The following PLCB4 variants were observed in gnomAD, a reference collection of about 807,000 sequenced individuals.
PLCB4 encodes 1-phosphatidylinositol 4,5-bisphosphate phosphodiesterase beta-4.
A neutral mutation model predicts 178.8 loss-of-function variants in PLCB4; 77 were observed. The observed-to-expected ratio is 0.43, with a 90% CI of 0.36 to 0.52. The LOEUF (loss-of-function observed/expected upper bound fraction) is 0.52. PLCB4 is among the 20% of genes least tolerant of loss of function. The pLI, the probability that PLCB4 is intolerant of heterozygous loss-of-function variation, is 0.00. For synonymous variants in PLCB4, 496 were observed against 490.8 expected (o/e 1.01, Z -0.14); for missense variants, 1,024 against 1,453.4 (o/e 0.70, Z 4.80).
intron 28 of PLCB4, among the ~76,000 whole-genome samples, chr20:9,432,330 TA>T (rs575749352): frequency 4.3e-4 from 66 of 152,216 alleles, no homozygotes; most frequent in Non-Finnish European, 9.1e-4. Context: ...TATTATCTGT[TA>T]TTCCTATGGA....
chr20:9,090,903 C>T (rs1334159080), intron 1 of PLCB4, among the ~76,000 whole-genome samples: 3 of 152,118 alleles, frequency 2.0e-5, no homozygotes, highest in Admixed American at 6.6e-5. Flanking sequence ...TATTAGAAGC[C>T]TATTGCAATA....
At chr20:9,219,640 A>G (rs1601242922) in intron 3 of PLCB4, among the ~76,000 whole-genome samples, 1 of 152,248 alleles carries the variant, frequency 6.6e-6, no homozygotes, top group East Asian at 1.9e-4. Context: ...GAATCCTTCC[A>G]TATGTCCCTC....
chr20:9,145,882 A>G (rs1275976311), intron 2 of PLCB4, among the ~76,000 whole-genome samples: 1 of 152,110 alleles, frequency 6.6e-6, no homozygotes, highest in Non-Finnish European at 1.5e-5. Context: ...TCCAGGAAGC[A>G]GTACTGTCTC....
chr20:9,454,060 T>A (rs1273308560), intron 33 of PLCB4, among the ~76,000 whole-genome samples: 1 of 152,244 alleles, frequency 6.6e-6, no homozygotes, highest in Non-Finnish European at 1.5e-5. Context: ...CAGTATGTGA[T>A]AATTCCTCAA....
chr20:9,190,163 T>C (rs2093382794), intron 2 of PLCB4, among the ~76,000 whole-genome samples: 1 of 152,018 alleles, frequency 6.6e-6, no homozygotes, highest in Non-Finnish European at 1.5e-5. Context: ...GGGAAGAAAA[T>C]TAGCACATGG....
intron 34 of PLCB4, among the ~76,000 whole-genome samples, chr20:9,458,400 T>C (rs1168095108): frequency 2.0e-5 from 3 of 152,240 alleles, no homozygotes; most frequent in Admixed American, 6.5e-5. Flanking sequence ...ATGCTTGGCA[T>C]CAATAAGAAA....
chr20:9,338,770 A>G, intron 6 of PLCB4, 124 bp from the exon 7 acceptor site: 1 of 673,962 alleles, frequency 1.5e-6, no homozygotes, highest in East Asian at 2.6e-5. Flanking sequence ...GTTTTAGAAT[A>G]ATGCTAGGTG....
At chr20:9,254,759 A>T (rs375169814) in intron 3 of PLCB4, among the ~76,000 whole-genome samples, 3 of 152,212 alleles carry the variant, frequency 2.0e-5, no homozygotes, top group Non-Finnish European at 4.4e-5. Context: ...TAATATTTAT[A>T]TTGCAATAAA....
intron 9 of PLCB4, 137 bp downstream of exon 9, chr20:9,365,651 G>A (rs2035713447): frequency 1.6e-5 from 8 of 514,266 alleles, no homozygotes; most frequent in Admixed American, 7.3e-5. Flanking sequence ...CAATTGCTTT[G>A]ACAAATGCTA....
chr20:9,404,604 C>CA (rs34712600), intron 20 of PLCB4, among the ~76,000 whole-genome samples: 13,559 of 65,138 alleles, frequency 0.21, 1,107 homozygotes, highest in African/African-American at 0.33. Flanking sequence ...GACTGTGTCT[C>CA]AAAAAAAAAA....
chr20:9,347,820 A>G (rs1444127121), intron 7 of PLCB4, among the ~76,000 whole-genome samples: 1 of 152,096 alleles, frequency 6.6e-6, no homozygotes, highest in East Asian at 1.9e-4. Context: ...TACTAAATAC[A>G]AAAATTAGCC....
intron 35 of PLCB4, among the ~76,000 whole-genome samples, chr20:9,461,836 G>C (rs1472049288): frequency 6.6e-6 from 1 of 152,192 alleles, no homozygotes; most frequent in Non-Finnish European, 1.5e-5. Context: ...GGGCATAGCT[G>C]AACAAAAGGC....
chr20:9,144,741 G>A (rs1429858673), intron 2 of PLCB4, among the ~76,000 whole-genome samples: 5 of 87,958 alleles, frequency 5.7e-5, no homozygotes, highest in African/African-American at 2.4e-4. Flanking sequence ...GGGAAGGAGG[G>A]GAAGGAGGGG....
At chr20:9,219,678 G>A (rs1226596270) in intron 3 of PLCB4, among the ~76,000 whole-genome samples, 1 of 152,000 alleles carries the variant, frequency 6.6e-6, no homozygotes, top group Admixed American at 6.6e-5. Flanking sequence ...AAAACCATTT[G>A]GCCTCTACTC....
At chr20:9,418,433 A>G (rs536856144) in intron 25 of PLCB4, among the ~76,000 whole-genome samples, 10 of 152,284 alleles carry the variant, frequency 6.6e-5, no homozygotes, top group African/African-American at 2.2e-4. Context: ...TCTTTCACCC[A>G]TTGATTGGTC....
intron 7 of PLCB4, among the ~76,000 whole-genome samples, chr20:9,340,721 C>T (rs13040758): frequency 0.067 from 10,132 of 152,154 alleles, 362 homozygotes; most frequent in Middle Eastern, 0.095. Context: ...AATCCTTGCT[C>T]GTCCCCTTCC....
At chr20:9,296,719 G>A (rs1456563847) in intron 3 of PLCB4, among the ~76,000 whole-genome samples, 2 of 152,138 alleles carry the variant, frequency 1.3e-5, no homozygotes, top group East Asian at 3.9e-4. Flanking sequence ...GGACATGGAT[G>A]AAGCTGGAAA....
At chr20:9,103,184 T>C (rs1023571292) in intron 2 of PLCB4, among the ~76,000 whole-genome samples, 1 of 152,146 alleles carries the variant, frequency 6.6e-6, no homozygotes, top group African/African-American at 2.4e-5. Flanking sequence ...TACTCCAGTA[T>C]GGAGTGCTTC....
chr20:9,466,196 AT>A (rs1343128365), intron 35 of PLCB4, among the ~76,000 whole-genome samples: 1 of 152,254 alleles, frequency 6.6e-6, no homozygotes, highest in Non-Finnish European at 1.5e-5. Flanking sequence ...AGGATTCCCT[AT>A]TTAATAAATG....
Sources: allele counts gnomAD v4.1 joint callset (sites outside exome capture counted in the v4.1 genomes callset), GRCh38; gene constraint gnomAD v4.1.1; transcripts MANE v1.5; gene names NCBI Gene and HGNC (gene_info 2026-07-23, HGNC 2026-07-21).